LUZP2: variants seen among roughly 807,000 people sequenced by gnomAD.
LUZP2 encodes leucine zipper protein 2.
LUZP2 carries 52 observed loss-of-function variants against 51.6 expected under a neutral mutation model. The ratio of observed to expected loss-of-function variants is 1.01; its 90% CI spans 0.81 to 1.27. The LOEUF is 1.27. Ranked by LOEUF, LUZP2 falls within the 50% of genes most tolerant of loss-of-function variation. The pLI, the probability that LUZP2 is intolerant of heterozygous loss-of-function variation, is 0.00. For synonymous variants in LUZP2, 154 were observed against 137.3 expected, an observed-to-expected ratio of 1.12 and a Z score of -0.85; for missense variants, 436 against 395.4, an observed-to-expected ratio of 1.10 and a Z score of -0.87.
At chr11:24,893,714 C>CT (rs1468998590) in intron 5 of LUZP2, among the ~76,000 whole-genome samples, 2 of 151,810 alleles carry the variant, frequency 1.3e-5, no homozygotes, top group Admixed American at 1.3e-4. Flanking sequence ...CTGGCATATA[C>CT]TTTTTTCATT....
chr11:24,815,206 A>C (rs193168988), intron 5 of LUZP2, among the ~76,000 whole-genome samples: 1 of 152,332 alleles, frequency 6.6e-6, no homozygotes, highest in Admixed American at 6.5e-5. Context: ...ATGAATCTAT[A>C]TCATTATTTT....
chr11:24,575,182 T>C (rs1230229558), intron 1 of LUZP2, among the ~76,000 whole-genome samples: 1 of 152,150 alleles, frequency 6.6e-6, no homozygotes, highest in African/African-American at 2.4e-5. Flanking sequence ...AGGATGGCTA[T>C]ATTTAAAAAG....
At chr11:24,565,366 T>C (rs1365709994) in intron 1 of LUZP2, among the ~76,000 whole-genome samples, 1 of 152,106 alleles carries the variant, frequency 6.6e-6, no homozygotes, top group Non-Finnish European at 1.5e-5. Context: ...AGGCAGTGAG[T>C]GCAAATGAGA....
At chr11:24,717,898 T>C (rs1295261685) in intron 1 of LUZP2, among the ~76,000 whole-genome samples, 2 of 152,036 alleles carry the variant, frequency 1.3e-5, no homozygotes, top group African/African-American at 4.8e-5. Flanking sequence ...TCCAGCTCCA[T>C]CCAAGTTCCC....
chr11:24,908,734 C>CT (rs1180698744), intron 6 of LUZP2, among the ~76,000 whole-genome samples: 1 of 149,362 alleles, frequency 6.7e-6, no homozygotes, highest in Non-Finnish European at 1.5e-5. Context: ...CAGGAAGTTG[C>CT]TTTTTTTGTT....
At chr11:24,977,710 T>C (rs1339044742) in intron 8 of LUZP2, among the ~76,000 whole-genome samples, 1 of 151,694 alleles carries the variant, frequency 6.6e-6, no homozygotes, top group African/African-American at 2.4e-5. Flanking sequence ...AATATATGTA[T>C]GTTGCACATA....
intron 5 of LUZP2, among the ~76,000 whole-genome samples, chr11:24,846,274 G>C (rs1042049471): frequency 5.3e-5 from 8 of 151,980 alleles, no homozygotes; most frequent in African/African-American, 1.2e-4. Flanking sequence ...AGCCCTTCAT[G>C]AATATTGATA....
intron 1 of LUZP2, among the ~76,000 whole-genome samples, chr11:24,588,737 T>C (rs1319005536): frequency 6.6e-6 from 1 of 152,046 alleles, no homozygotes; most frequent in South Asian, 2.1e-4. Flanking sequence ...CCCTCCTTAA[T>C]AACAATTTTA....
chr11:24,867,232 A>T, intron 5 of LUZP2, among the ~76,000 whole-genome samples: 1 of 152,008 alleles, frequency 6.6e-6, no homozygotes, highest in East Asian at 1.9e-4. Context: ...GTAAGACAAG[A>T]CTCCAGAGTA....
At chr11:24,825,101 T>C in intron 5 of LUZP2, among the ~76,000 whole-genome samples, 1 of 152,162 alleles carries the variant, frequency 6.6e-6, no homozygotes, top group East Asian at 1.9e-4. Context: ...GCAGAATGTT[T>C]ATGTTTATTA....
intron 5 of LUZP2, among the ~76,000 whole-genome samples, chr11:24,791,031 A>T (rs772865634): frequency 4.6e-5 from 7 of 152,182 alleles, no homozygotes; most frequent in Admixed American, 6.5e-5. Flanking sequence ...CTTACTCAAT[A>T]TATTTACCTG....
At chr11:25,000,731 G>T (rs1856660348) in intron 9 of LUZP2, among the ~76,000 whole-genome samples, 2 of 152,140 alleles carry the variant, frequency 1.3e-5, no homozygotes, top group South Asian at 4.1e-4. Flanking sequence ...TCCCTGACTG[G>T]TTAGTGTAAA....
At chr11:24,593,608 C>T (rs924139260) in intron 1 of LUZP2, among the ~76,000 whole-genome samples, 1 of 152,162 alleles carries the variant, frequency 6.6e-6, no homozygotes, top group African/African-American at 2.4e-5. Context: ...GCAACCCTCA[C>T]AGTTTGGGAC....
intron 1 of LUZP2, among the ~76,000 whole-genome samples, chr11:24,598,301 T>G (rs966659681): frequency 1.3e-5 from 2 of 151,658 alleles, no homozygotes; most frequent in South Asian, 2.1e-4. Context: ...ATATAAGCAA[T>G]CAAAATGTTT....
intron 7 of LUZP2, among the ~76,000 whole-genome samples, chr11:24,940,176 A>T (rs1854703118): frequency 6.6e-6 from 1 of 152,176 alleles, no homozygotes; most frequent in Non-Finnish European, 1.5e-5. Context: ...GAAATCTACT[A>T]CTTTCATATT....
intron 1 of LUZP2, among the ~76,000 whole-genome samples, chr11:24,681,201 T>C (rs1856725876): frequency 6.6e-6 from 1 of 151,986 alleles, no homozygotes; most frequent in South Asian, 2.1e-4. Context: ...CAGGATGGTC[T>C]CGATCTCCTG....
At chr11:25,017,921 T>C (rs1446647477) in intron 9 of LUZP2, among the ~76,000 whole-genome samples, 2 of 152,218 alleles carry the variant, frequency 1.3e-5, no homozygotes, top group Non-Finnish European at 2.9e-5. Flanking sequence ...GGATTGAATG[T>C]GTTTCCATTT....
intron 9 of LUZP2, among the ~76,000 whole-genome samples, chr11:25,048,180 A>G (rs1023538371): frequency 6.6e-6 from 1 of 152,104 alleles, no homozygotes; most frequent in Non-Finnish European, 1.5e-5. Flanking sequence ...ACTTTTTAGT[A>G]TTTTAAATCA....
chr11:24,801,595 C>T (rs1458049923), intron 5 of LUZP2, among the ~76,000 whole-genome samples: 1 of 151,780 alleles, frequency 6.6e-6, no homozygotes, highest in Non-Finnish European at 1.5e-5. Context: ...CTTATCACAA[C>T]TCCATATTGC....
Sources: gnomAD v4.1 joint callset for allele counts (sites outside exome capture counted in the v4.1 genomes callset) on GRCh38, gnomAD v4.1.1 for gene constraint, MANE v1.5 for transcripts, NCBI Gene and HGNC (gene_info 2026-07-23, HGNC 2026-07-21) for gene names.